Variants in BRCC3 observed in about 807,000 individuals in gnomAD.
BRCC3 encodes BRCA1/BRCA2-containing complex subunit 3.
Under a neutral mutation model 28.0 loss-of-function variants are expected in BRCC3, and 15 were observed. That is an observed-to-expected ratio of 0.54 (90% CI 0.36 to 0.82). BRCC3 has a LOEUF of 0.82. Ranked by LOEUF, BRCC3 falls within the 40% of genes least tolerant of loss-of-function variation. The pLI, the probability that BRCC3 is intolerant of heterozygous loss-of-function variation, is 0.01. For missense variants in BRCC3, 109 were observed against 225.9 expected, an observed-to-expected ratio of 0.48 and a Z score of 3.32; for synonymous variants, 66 against 80.3, an observed-to-expected ratio of 0.82 and a Z score of 0.95.
At chrX:155,090,971 C>T in intron 7 of BRCC3, 132 bp downstream of exon 7, 1 of 515,841 alleles carries the variant, frequency 1.9e-6, no homozygotes, top group Non-Finnish European at 3.3e-6. Context: ...TACTCATTTA[C>T]AGCTCTACGA....
intron 5 of BRCC3, among the ~76,000 whole-genome samples, chrX:155,086,096 A>G (rs782050375): frequency 4.5e-5 from 5 of 110,887 alleles, no homozygotes; most frequent in Non-Finnish European, 9.5e-5. Context: ...TCTGCAACAC[A>G]CCTTGGAAAT....
At chrX:155,091,446 A>G (rs2074174198) in intron 7 of BRCC3, among the ~76,000 whole-genome samples, 1 of 109,809 alleles carries the variant, frequency 9.1e-6, no homozygotes, top group Non-Finnish European at 1.9e-5. Context: ...TAATTTTTGT[A>G]TTTTTAATAG....
Position 155,089,367 on chromosome X carries a change from G to A in BRCC3, c.492+16G>A. 8 of 427,799 alleles carry A rather than the reference G, an allele frequency of 1.9e-5. No individual in the cohort carries two copies. Among genetic ancestry groups the A allele is most frequent in the Non-Finnish European group, 2.4e-5 (7 of 295,442 alleles). 35.3% of individuals were successfully genotyped at this position (427,799 alleles called of 1,213,427 possible). On this transcript the variant is annotated intron_variant, in intron 6 of 10. Transcript: ENST00000330045. ...GAACACAAAGGTATTGTGTGTGCAT[G>A]TGTGTGTGTGTGTGTGTGTGTGTAG... is the stretch of plus-strand genomic sequence containing the variant.
chrX:155,104,208 T>C (rs1174353581), intron 7 of BRCC3, among the ~76,000 whole-genome samples: 3 of 111,807 alleles, frequency 2.7e-5, no homozygotes, highest in Non-Finnish European at 5.6e-5. Flanking sequence ...GGTTGGACTC[T>C]TCTGCTGCTT....
intron 7 of BRCC3, among the ~76,000 whole-genome samples, chrX:155,110,438 T>A (rs1282476104): frequency 6.3e-5 from 7 of 111,665 alleles, no homozygotes; most frequent in Non-Finnish European, 1.3e-4. Context: ...GTTGTGCTTT[T>A]CTAGGAATTT....
chrX:155,094,641 A>G (rs1157033465), intron 7 of BRCC3, among the ~76,000 whole-genome samples: 1 of 111,700 alleles, frequency 9.0e-6, no homozygotes, highest in Non-Finnish European at 1.9e-5. Context: ...TAACCAATAG[A>G]CCACCGCATA....
chrX:155,116,309 G>C, intron 8 of BRCC3, 121 bp downstream of exon 8: 1 of 641,333 alleles, frequency 1.6e-6, no homozygotes. Context: ...TCTCTGGGAA[G>C]CTTTCTAGCA....
chrX:155,077,126 T>C, intron 3 of BRCC3, 44 bp from the exon 4 acceptor site: 1 of 1,108,402 alleles, frequency 9.0e-7, no homozygotes, highest in Non-Finnish European at 1.2e-6. Flanking sequence ...GGATGTGTTA[T>C]TGGAGAGAGC....
chrX:155,072,380 C>G, intron 2 of BRCC3, 37 bp downstream of exon 2: 1 of 1,107,833 alleles, frequency 9.0e-7, no homozygotes, highest in South Asian at 1.9e-5. Flanking sequence ...CTTATAATCT[C>G]TAAGTCATTG....
chrX:155,084,385 C>T (rs2074105216), intron 5 of BRCC3, among the ~76,000 whole-genome samples: 1 of 110,315 alleles, frequency 9.1e-6, no homozygotes, highest in African/African-American at 3.3e-5. Context: ...TTTTTTGAGA[C>T]AGAGTCTGGC....
At chrX:155,112,813 CA>C (rs1271314425) in intron 7 of BRCC3, among the ~76,000 whole-genome samples, 1 of 111,834 alleles carries the variant, frequency 8.9e-6, no homozygotes, top group Non-Finnish European at 1.9e-5. Flanking sequence ...ATACAAAAAT[CA>C]ACAAACCAAA....
chrX:155,109,268 T>C (rs1480179725), intron 7 of BRCC3, among the ~76,000 whole-genome samples: 1 of 111,905 alleles, frequency 8.9e-6, no homozygotes, highest in Admixed American at 9.4e-5. Flanking sequence ...TTTGTTGTTA[T>C]TCTTCAAGAC....
chrX:155,116,010 A>T, intron 7 of BRCC3, 47 bp from the exon 8 acceptor site: 1 of 1,174,222 alleles, frequency 8.5e-7, no homozygotes, highest in Non-Finnish European at 1.2e-6. Context: ...ACTTCTGATT[A>T]TAACAACTCA....
At chrX:155,089,118 A>G (rs1417247169) in intron 5 of BRCC3, 145 bp from the exon 6 acceptor site, 6 of 447,135 alleles carry the variant, frequency 1.3e-5, no homozygotes, top group Non-Finnish European at 2.4e-5. Context: ...TCCTTAGGAT[A>G]TATTCCTGTT....
In BRCC3 at chrX:155,084,652, C is replaced by T. The variant is rs183339768; in HGVS notation, c.404-4611C>T. Among the ~76,000 whole-genome samples, 212 of 112,172 alleles carry T rather than the reference C, an allele frequency of 1.9e-3. 1 individual carries two copies. Among genetic ancestry groups the T allele is most frequent in the African/African-American group, 6.7e-3 (207 of 30,896 alleles). ...TGCTGGGATTACAGGCCTGAGCCAC[C>T]GTGCCCAGCCCCAAAAAGTTTTTTT... On this transcript the variant is annotated intron_variant, in intron 5 of 10. Coordinates refer to ENST00000330045, the MANE Select transcript of BRCC3 (RefSeq NM_001018055.3).
intron 9 of BRCC3, among the ~76,000 whole-genome samples, chrX:155,118,114 T>C (rs1278042698): frequency 8.9e-6 from 1 of 112,246 alleles, no homozygotes; most frequent in African/African-American, 3.2e-5. Context: ...AAACAAAAAC[T>C]TGTACACAAA....
At chrX:155,097,979 CA>C (rs1336254303) in intron 7 of BRCC3, among the ~76,000 whole-genome samples, 6 of 109,151 alleles carry the variant, frequency 5.5e-5, no homozygotes, top group African/African-American at 2.0e-4. Flanking sequence ...GTCTCAAAAA[CA>C]AAAAAAAAGG....
rs189167398 is a variant in BRCC3, at chrX:155,117,403, C to G, written c.724+649C>G. On this transcript the variant is annotated intron_variant, in intron 9 of 10. Transcript: ENST00000330045. ...GTCCCTAACATACACATTGCCCCAG[C>G]CACACTTTCTGTCTGAGTAACCCTG... is the stretch of plus-strand genomic sequence containing the variant. 5.3e-5 allele frequency among the ~76,000 whole-genome samples: 6 copies of G among 112,176 alleles called. No individual in the cohort carries two copies. The East Asian group carries it at 1.7e-3, about 31-fold the overall frequency.
intron 5 of BRCC3, among the ~76,000 whole-genome samples, chrX:155,080,467 A>G (rs2074077429): frequency 1.8e-3 from 1 of 549 alleles, no homozygotes; most frequent in Admixed American, 0.045. Flanking sequence ...AGCAGTCAGA[A>G]AAAAAAAAAA....
Sources: allele counts gnomAD v4.1 joint callset (sites outside exome capture counted in the v4.1 genomes callset), GRCh38; gene constraint gnomAD v4.1.1; transcripts MANE v1.5; gene names NCBI Gene and HGNC (gene_info 2026-07-23, HGNC 2026-07-21).